SAMTOR: variants seen among roughly 807,000 people sequenced by gnomAD.
The protein encoded by SAMTOR is UPF0532 protein C7orf60.
At chr7:112,844,272 C>T in the SAMTOR span, among the ~76,000 whole-genome samples, 4 of 152,018 alleles carry the variant, frequency 2.6e-5, no homozygotes, top group African/African-American at 9.7e-5. Context: ...GAGTCCTGTC[C>T]AGAGCAATCG....
the SAMTOR span, among the ~76,000 whole-genome samples, chr7:112,910,264 T>C: frequency 6.6e-6 from 1 of 152,102 alleles, no homozygotes. Flanking sequence ...TAACTGTAAT[T>C]GACTATTATA....
At chr7:112,926,289 G>A in the SAMTOR span, among the ~76,000 whole-genome samples, 1 of 152,160 alleles carries the variant, frequency 6.6e-6, no homozygotes, top group African/African-American at 2.4e-5. Flanking sequence ...TCCTTGCCAT[G>A]TCACTATATA....
At chr7:112,839,711 T>A in the SAMTOR span, among the ~76,000 whole-genome samples, 1 of 151,718 alleles carries the variant, frequency 6.6e-6, no homozygotes, top group Non-Finnish European at 1.5e-5. Flanking sequence ...CAAAAATAAA[T>A]CTCCCCAAAA....
chr7:112,912,599 T>C, the SAMTOR span, among the ~76,000 whole-genome samples: 2 of 151,976 alleles, frequency 1.3e-5, no homozygotes, highest in Non-Finnish European at 2.9e-5. Flanking sequence ...CAAAACACAA[T>C]ATTGTTTCAA....
chr7:112,914,138 A>G, the SAMTOR span, among the ~76,000 whole-genome samples: 1 of 152,196 alleles, frequency 6.6e-6, no homozygotes, highest in Non-Finnish European at 1.5e-5. Flanking sequence ...ATGCATTATT[A>G]CAGTTTTAAA....
chr7:112,865,603 T>TTCATATATATACATATATTCATATATATA, the SAMTOR span, among the ~76,000 whole-genome samples: 4 of 147,364 alleles, frequency 2.7e-5, no homozygotes, highest in African/African-American at 7.4e-5. Context: ...ATATATATAT[T>TTCATATATATACATATATTCATATATATA]TCATATATAT....
At chr7:112,848,543 G>A in the SAMTOR span, among the ~76,000 whole-genome samples, 1 of 152,134 alleles carries the variant, frequency 6.6e-6, no homozygotes, top group Non-Finnish European at 1.5e-5. Flanking sequence ...ACTCAGAGAA[G>A]GGAAGGGAAA....
the SAMTOR span, among the ~76,000 whole-genome samples, chr7:112,852,332 A>G: frequency 6.6e-6 from 1 of 152,142 alleles, no homozygotes; most frequent in Admixed American, 6.5e-5. Context: ...ACTGGAGGCC[A>G]TGACCTTAAG....
the SAMTOR span, among the ~76,000 whole-genome samples, chr7:112,921,305 T>C: frequency 1.3e-5 from 2 of 152,114 alleles, no homozygotes; most frequent in South Asian, 4.2e-4. Flanking sequence ...TATCTACAAC[T>C]ATCTGATCTT....
At chr7:112,924,208 GA>G in the SAMTOR span, among the ~76,000 whole-genome samples, 52 of 150,634 alleles carry the variant, frequency 3.5e-4, no homozygotes, top group African/African-American at 1.1e-3. Flanking sequence ...ATAAAAAAAA[GA>G]AAAAAAACTA....
the SAMTOR span, among the ~76,000 whole-genome samples, chr7:112,914,517 A>C: frequency 6.6e-6 from 1 of 152,084 alleles, no homozygotes; most frequent in African/African-American, 2.4e-5. Flanking sequence ...TATTTTTAGC[A>C]TTAGAATCAA....
the SAMTOR span, among the ~76,000 whole-genome samples, chr7:112,855,000 T>C: frequency 6.6e-6 from 1 of 152,174 alleles, no homozygotes; most frequent in Non-Finnish European, 1.5e-5. Flanking sequence ...ATCATTACCA[T>C]ATAACAATGA....
At chr7:112,823,451 T>A in the SAMTOR span, among the ~76,000 whole-genome samples, 3 of 152,214 alleles carry the variant, frequency 2.0e-5, no homozygotes, top group East Asian at 5.8e-4. Flanking sequence ...CCTAGAATTT[T>A]ATATAAATAA....
chr7:112,916,632 G>A, the SAMTOR span, among the ~76,000 whole-genome samples: 1 of 152,164 alleles, frequency 6.6e-6, no homozygotes, highest in Admixed American at 6.5e-5. Context: ...AGCCGAAGTG[G>A]GGCGAGGCAC....
the SAMTOR span, among the ~76,000 whole-genome samples, chr7:112,834,210 T>G: frequency 6.6e-6 from 1 of 152,166 alleles, no homozygotes; most frequent in African/African-American, 2.4e-5. Flanking sequence ...CTTTACAATA[T>G]TCAATCTTCA....
At chr7:112,820,228 A>C in the SAMTOR span, 9 of 152,524 alleles carry the variant, frequency 5.9e-5, no homozygotes, top group Non-Finnish European at 7.4e-5. Context: ...CATAAAGGAT[A>C]AGTTTTATAT....
the SAMTOR span, among the ~76,000 whole-genome samples, chr7:112,884,413 G>A: frequency 7.2e-5 from 11 of 152,112 alleles, no homozygotes; most frequent in African/African-American, 1.9e-4. Flanking sequence ...TTCTGCCTAC[G>A]AGCTTGTAAA....
At chr7:112,895,664 G>A in the SAMTOR span, 1 of 1,592,926 alleles carries the variant, frequency 6.3e-7, no homozygotes, top group South Asian at 1.1e-5. Flanking sequence ...TGGTCTTAGT[G>A]GCAAGTACAG....
At chr7:112,864,370 C>T in the SAMTOR span, among the ~76,000 whole-genome samples, 1 of 152,052 alleles carries the variant, frequency 6.6e-6, no homozygotes, top group Non-Finnish European at 1.5e-5. Context: ...TACACTTGTA[C>T]CCCTGAATTT....
Sources: gnomAD v4.1 joint callset for allele counts (sites outside exome capture counted in the v4.1 genomes callset) on GRCh38, gnomAD v4.1.1 for gene constraint, MANE v1.5 for transcripts, NCBI Gene and HGNC (gene_info 2026-07-23, HGNC 2026-07-21) for gene names.